The following HCK variants were observed in gnomAD, a reference collection of about 807,000 sequenced individuals.
The protein encoded by HCK is HCK proto-oncogene, Src family tyrosine kinase.
In HCK, 40 loss-of-function variants were observed where a neutral mutation model predicts 70.4. That is an observed-to-expected ratio of 0.57 (90% CI 0.44 to 0.74). HCK has a LOEUF of 0.74. HCK is among the 30% of genes least tolerant of loss of function. HCK has a pLI of 0.00. For missense variants in HCK, 568 were observed against 697.2 expected, an observed-to-expected ratio of 0.81 and a Z score of 2.09; for synonymous variants, 245 against 263.2, an observed-to-expected ratio of 0.93 and a Z score of 0.67.
chr20:32,086,606 C>A, intron 8 of HCK, 22 bp from the exon 9 acceptor site: 1 of 1,587,850 alleles, frequency 6.3e-7, no homozygotes. Flanking sequence ...GACCACCTTC[C>A]CTGCTCTCTA....
intron 1 of HCK, among the ~76,000 whole-genome samples, chr20:32,055,075 A>C (rs533287729): frequency 1.3e-5 from 2 of 152,294 alleles, no homozygotes; most frequent in South Asian, 2.1e-4. Context: ...TATTGACAGG[A>C]GCATCCTGGA....
chr20:32,068,771 C>T (rs907441112), intron 1 of HCK, among the ~76,000 whole-genome samples: 2 of 151,012 alleles, frequency 1.3e-5, no homozygotes, highest in Admixed American at 6.6e-5. Context: ...CCCCCTGTCT[C>T]TACAGAATAT....
In HCK at chr20:32,058,146, C is replaced by T. The variant is rs575044564; in HGVS notation, c.62+5660C>T. Among the ~76,000 whole-genome samples, 21 of 152,182 alleles carry T rather than the reference C, an allele frequency of 1.4e-4. No homozygotes were observed. In the East Asian group the frequency reaches 3.3e-3, roughly 24 times the overall value. ...GTGGGTACAGTACAGTAGACGACCC[C>T]GAGTCTGAGTGCCAGCTCTGCCAAA... On this transcript the variant is annotated intron_variant, in intron 1 of 12. Coordinates refer to ENST00000375852, the MANE Select transcript of HCK (RefSeq NM_002110.5).
In HCK at chr20:32,071,802, G is replaced by C. The variant is rs758417058; in HGVS notation, c.183+20G>C. On this transcript the variant is annotated intron_variant, in intron 2 of 12. Transcript: ENST00000375852. ...AAGCCGGTGAGTAGGGGAGGTCCCAGTTTCCCTGGGGGCTGACGGATGCTG... is the reference window on the plus strand; with the variant it reads ...AAGCCGGTGAGTAGGGGAGGTCCCACTTTCCCTGGGGGCTGACGGATGCTG... 2 of 1,611,020 alleles carry C rather than the reference G, an allele frequency of 1.2e-6. No homozygotes were observed. Among genetic ancestry groups the C allele is most frequent in the African/African-American group, 2.7e-5 (2 of 74,752 alleles).
rs766094857 is a variant in HCK, at chr20:32,086,750, C to T, written c.958C>T (p.Leu320Phe). The stretch of plus-strand genomic sequence containing the variant: ...TCTGCAGCATGACAAGCTGGTCAAA[C>T]TTCATGCGGTGGTCACCAAGGAGCC... Residue 320 changes from leucine to phenylalanine, a missense_variant, in exon 9 of 13, where the codon CTT becomes TTT. Physicochemically the swap from Leu to Phe is conservative, Grantham distance 22. Coordinates refer to ENST00000375852, the MANE Select transcript of HCK (RefSeq NM_002110.5). 6.2e-7 allele frequency: 1 copy of T among 1,606,758 alleles called. No individual in the cohort carries two copies.
At chr20:32,056,881 AC>A (rs1425422251) in intron 1 of HCK, among the ~76,000 whole-genome samples, 1 of 152,170 alleles carries the variant, frequency 6.6e-6, no homozygotes, top group Non-Finnish European at 1.5e-5. Flanking sequence ...AACACCTGGC[AC>A]CTGGCACATA....
chr20:32,094,513 C>T (rs184718329), intron 11 of HCK, among the ~76,000 whole-genome samples: 1 of 151,866 alleles, frequency 6.6e-6, no homozygotes, highest in East Asian at 1.9e-4. Context: ...GACCTAGTCT[C>T]TACAAAAATT....
rs144313088 is a variant in HCK, at chr20:32,084,059, G to A, written c.682+16G>A. On this transcript the variant is annotated intron_variant, in intron 7 of 12. Transcript: ENST00000375852. The stretch of plus-strand genomic sequence containing the variant: ...CACTACAAGAGTGAGTCCCACCCCA[G>A]GGGTGACATCCCCACCACGATGGGC... The A allele has an allele frequency of 6.2e-7, 1 of 1,611,112 alleles. No homozygotes were observed. Among genetic ancestry groups the A allele is most frequent in the Non-Finnish European group, 8.5e-7 (1 of 1,178,988 alleles).
At chr20:32,075,066 G>T (rs947478188) in intron 5 of HCK, among the ~76,000 whole-genome samples, 2 of 152,246 alleles carry the variant, frequency 1.3e-5, no homozygotes, top group African/African-American at 4.8e-5. Context: ...GTCTGCTTCT[G>T]CATCCTCGGC....
chr20:32,095,291 T>G (rs2045939696), intron 11 of HCK, among the ~76,000 whole-genome samples: 1 of 152,162 alleles, frequency 6.6e-6, no homozygotes, highest in African/African-American at 2.4e-5. Flanking sequence ...GGAGTCTTGC[T>G]GTCACCCAGG....
At chr20:32,060,585 G>C (rs1042884458) in intron 1 of HCK, among the ~76,000 whole-genome samples, 3 of 152,184 alleles carry the variant, frequency 2.0e-5, no homozygotes, top group Non-Finnish European at 2.9e-5. Flanking sequence ...GGGGCATCCA[G>C]CAGACTAAAT....
chr20:32,098,784 A>T (rs2045991813), intron 11 of HCK, among the ~76,000 whole-genome samples: 1 of 152,162 alleles, frequency 6.6e-6, no homozygotes, highest in South Asian at 2.1e-4. Context: ...GTGAACTTCC[A>T]CACCATACCC....
intron 12 of HCK, among the ~76,000 whole-genome samples, chr20:32,101,055 C>A (rs1426986658): frequency 6.6e-6 from 1 of 152,172 alleles, no homozygotes; most frequent in Non-Finnish European, 1.5e-5. Context: ...TCCAAAGACT[C>A]TCCTCTAAGC....
rs758508228 is a variant in HCK at position 32,074,666 on chromosome 20, G to A, written c.373G>A (p.Glu125Lys). 1 of 1,614,114 alleles carries A rather than the reference G, an allele frequency of 6.2e-7. No individual in the cohort carries two copies. Among genetic ancestry groups the A allele is most frequent in the Non-Finnish European group, 8.5e-7 (1 of 1,179,964 alleles). Residue 125 changes from glutamate to lysine, a missense_variant, in exon 5 of 13, where the codon GAG (glutamate) becomes AAG (lysine). Around this residue, in one of 4 missense-constraint regions of HCK, gnomAD observed 318 missense variants for 336.0 expected, o/e 0.95. Transcript: ENST00000375852. ...GGCTCGATCCCTGGCCACCCGGAAG[G>A]AGGGCTACATCCCAAGCAACTATGT...
At chr20:32,088,886 CA>C (rs199899476) in intron 10 of HCK, among the ~76,000 whole-genome samples, 1,618 of 152,240 alleles carry the variant, frequency 0.011, 32 homozygotes, top group African/African-American at 0.037. Context: ...ACAAACCATC[CA>C]AGTCCTAGTA....
intron 1 of HCK, among the ~76,000 whole-genome samples, chr20:32,054,020 G>A (rs1352388926): frequency 1.3e-5 from 2 of 151,808 alleles, no homozygotes; most frequent in East Asian, 3.9e-4. Context: ...GGGAGGGGGT[G>A]ACAGGTTAAA....
intron 1 of HCK, among the ~76,000 whole-genome samples, chr20:32,068,852 G>A (rs147546066): frequency 3.0e-4 from 46 of 152,264 alleles, no homozygotes; most frequent in African/African-American, 1.1e-3. Flanking sequence ...GCTGAGGTGG[G>A]AGGATCACTT....
intron 5 of HCK, among the ~76,000 whole-genome samples, chr20:32,078,875 A>AAAG (rs2045667295): frequency 6.6e-6 from 1 of 150,828 alleles, no homozygotes; most frequent in Non-Finnish European, 1.5e-5. Flanking sequence ...AAAAAAAAAA[A>AAAG]AAAAGGGGGG....
At chr20:32,082,438 T>C (rs1477888652) in intron 6 of HCK, among the ~76,000 whole-genome samples, 2 of 152,008 alleles carry the variant, frequency 1.3e-5, no homozygotes, top group African/African-American at 4.8e-5. Context: ...GCTCAGGAGT[T>C]GGAGACCAGC....
Sources: allele counts gnomAD v4.1 joint callset (sites outside exome capture counted in the v4.1 genomes callset), GRCh38; gene constraint gnomAD v4.1.1; regional missense constraint gnomAD v4.1.1; transcripts MANE v1.5; gene names NCBI Gene and HGNC (gene_info 2026-07-23, HGNC 2026-07-21).